The following EDIL3 variants were observed in gnomAD, a reference collection of about 807,000 sequenced individuals.
The protein encoded by EDIL3 is EGF like and discoidin domains 3.
In EDIL3, 37 loss-of-function variants were observed where a neutral mutation model predicts 67.4. The ratio of observed to expected loss-of-function variants is 0.55; its 90% CI spans 0.42 to 0.72. The LOEUF (loss-of-function observed/expected upper bound fraction) is 0.72. Ranked by LOEUF, EDIL3 falls within the 30% of genes least tolerant of loss-of-function variation. The pLI, the probability that EDIL3 is intolerant of heterozygous loss-of-function variation, is 0.00. For missense variants in EDIL3, 527 were observed against 586.3 expected, an observed-to-expected ratio of 0.90 and a Z score of 1.04; for synonymous variants, 195 against 196.3, an observed-to-expected ratio of 0.99 and a Z score of 0.05.
At chr5:84,383,635 C>G (rs1038741994) in intron 1 of EDIL3, among the ~76,000 whole-genome samples, 1 of 152,198 alleles carries the variant, frequency 6.6e-6, no homozygotes, top group Admixed American at 6.5e-5. Context: ...GGGTGCGCAG[C>G]TAAGCTCCAG....
At chr5:84,058,943 GA>G (rs1179663481) in intron 9 of EDIL3, among the ~76,000 whole-genome samples, 2 of 151,738 alleles carry the variant, frequency 1.3e-5, no homozygotes, top group African/African-American at 4.9e-5. Context: ...AAAGTTCATA[GA>G]ACGGTAATAG....
At chr5:84,193,007 G>A (rs976976077) in intron 3 of EDIL3, among the ~76,000 whole-genome samples, 7 of 151,942 alleles carry the variant, frequency 4.6e-5, no homozygotes, top group African/African-American at 9.7e-5. Flanking sequence ...AAAAGGGCCT[G>A]TGGTAAGACT....
At chr5:84,348,435 T>C (rs940121573) in intron 1 of EDIL3, among the ~76,000 whole-genome samples, 2 of 152,128 alleles carry the variant, frequency 1.3e-5, no homozygotes, top group Admixed American at 6.6e-5. Flanking sequence ...CTCTCCTTTT[T>C]CCACCTGTGC....
At chr5:84,155,538 C>G (rs1748475463) in intron 4 of EDIL3, among the ~76,000 whole-genome samples, 2 of 152,102 alleles carry the variant, frequency 1.3e-5, no homozygotes, top group South Asian at 4.2e-4. Context: ...TTACTCCATT[C>G]CTGTGTTTTC....
chr5:84,089,064 T>C (rs1320469901), intron 6 of EDIL3, among the ~76,000 whole-genome samples: 1 of 152,128 alleles, frequency 6.6e-6, no homozygotes, highest in Non-Finnish European at 1.5e-5. Flanking sequence ...TTGATGAAAA[T>C]GGAAATAGGA....
chr5:84,383,347 C>A (rs1748130059), intron 1 of EDIL3, among the ~76,000 whole-genome samples: 1 of 152,202 alleles, frequency 6.6e-6, no homozygotes, highest in African/African-American at 2.4e-5. Flanking sequence ...CAGGTCAGCA[C>A]AAGGGTTTGT....
intron 3 of EDIL3, among the ~76,000 whole-genome samples, chr5:84,210,590 A>C (rs1465474695): frequency 6.6e-6 from 1 of 152,154 alleles, no homozygotes; most frequent in African/African-American, 2.4e-5. Flanking sequence ...AAAACATATA[A>C]GCATATATAA....
intron 9 of EDIL3, among the ~76,000 whole-genome samples, chr5:83,984,842 T>C (rs558142393): frequency 9.2e-5 from 14 of 152,026 alleles, no homozygotes; most frequent in African/African-American, 3.4e-4. Flanking sequence ...ACAGCTTAGG[T>C]GTTTTGTTGA....
intron 1 of EDIL3, among the ~76,000 whole-genome samples, chr5:84,276,385 C>A (rs1033216115): frequency 3.9e-5 from 6 of 152,108 alleles, no homozygotes; most frequent in African/African-American, 1.4e-4. Context: ...TCAAGATGTG[C>A]TTTCAGAATT....
intron 3 of EDIL3, among the ~76,000 whole-genome samples, chr5:84,212,718 TG>T (rs1402505411): frequency 6.6e-6 from 1 of 152,088 alleles, no homozygotes; most frequent in Non-Finnish European, 1.5e-5. Flanking sequence ...ATTAAAGCTT[TG>T]GGGTGAGAAT....
At chr5:84,016,382 G>GC (rs1392011908) in intron 9 of EDIL3, among the ~76,000 whole-genome samples, 1 of 152,010 alleles carries the variant, frequency 6.6e-6, no homozygotes, top group Non-Finnish European at 1.5e-5. Flanking sequence ...TTCCTCTAAA[G>GC]CGTCATTTTG....
intron 6 of EDIL3, among the ~76,000 whole-genome samples, chr5:84,094,725 A>G (rs1446293583): frequency 6.6e-6 from 1 of 152,252 alleles, no homozygotes; most frequent in East Asian, 1.9e-4. Context: ...AATTTGTACT[A>G]CAGAAATTTA....
intron 9 of EDIL3, among the ~76,000 whole-genome samples, chr5:84,021,833 C>T (rs1229728388): frequency 1.3e-5 from 2 of 151,890 alleles, no homozygotes; most frequent in African/African-American, 4.8e-5. Flanking sequence ...AACATACAAC[C>T]TACCAAGATT....
intron 9 of EDIL3, among the ~76,000 whole-genome samples, chr5:84,053,571 TAAA>T (rs1746382354): frequency 6.6e-6 from 1 of 151,630 alleles, no homozygotes; most frequent in African/African-American, 2.4e-5. Flanking sequence ...GCAAGACTAA[TAAA>T]GAAGAAAAGA....
intron 1 of EDIL3, among the ~76,000 whole-genome samples, chr5:84,336,366 T>C (rs1024210213): frequency 2.0e-5 from 3 of 152,158 alleles, no homozygotes; most frequent in Non-Finnish European, 2.9e-5. Flanking sequence ...GGTTACTTCT[T>C]GTGAGTTATG....
intron 2 of EDIL3, among the ~76,000 whole-genome samples, chr5:84,233,735 G>GA (rs1024360739): frequency 1.3e-5 from 2 of 151,552 alleles, no homozygotes; most frequent in African/African-American, 2.4e-5. Context: ...GAGGCTCTTG[G>GA]AAAAAAAAGG....
chr5:84,163,232 C>A (rs537195678), intron 4 of EDIL3, among the ~76,000 whole-genome samples: 1 of 152,108 alleles, frequency 6.6e-6, no homozygotes, highest in South Asian at 2.1e-4. Context: ...ACTCTCTAAA[C>A]CATTTGAGAA....
intron 6 of EDIL3, among the ~76,000 whole-genome samples, chr5:84,079,998 A>T (rs1204744841): frequency 6.6e-6 from 1 of 151,210 alleles, no homozygotes; most frequent in Non-Finnish European, 1.5e-5. Flanking sequence ...AAAAAGAGTA[A>T]CTCTGGTTCA....
intron 4 of EDIL3, among the ~76,000 whole-genome samples, chr5:84,141,924 C>CATATATAT (rs1267450756): frequency 3.1e-5 from 4 of 128,706 alleles, no homozygotes; most frequent in African/African-American, 1.3e-4. Context: ...TATATATATA[C>CATATATAT]ACATATATAT....
Sources: allele counts gnomAD v4.1 joint callset (sites outside exome capture counted in the v4.1 genomes callset), GRCh38; gene constraint gnomAD v4.1.1; transcripts MANE v1.5; gene names NCBI Gene and HGNC (gene_info 2026-07-23, HGNC 2026-07-21).